The following GRIA2 variants were observed in gnomAD, a reference collection of about 807,000 sequenced individuals.
GRIA2 encodes the protein glutamate ionotropic receptor AMPA type subunit 2.
A neutral mutation model predicts 97.3 loss-of-function variants in GRIA2; 14 were observed. The ratio of observed to expected loss-of-function variants is 0.14; its 90% CI spans 0.10 to 0.23. The LOEUF (loss-of-function observed/expected upper bound fraction) is 0.23. Among genes scored for constraint, GRIA2 ranks in the 10% least tolerant of loss-of-function variants. The pLI is 1.00. For missense variants in GRIA2, 558 were observed against 1,069.8 expected (o/e 0.52, Z 6.67); for synonymous variants, 412 against 387.8 (o/e 1.06, Z -0.73).
chr4:157,317,967 C>G (rs1579358776), intron 5 of GRIA2, among the ~76,000 whole-genome samples: 2 of 152,008 alleles, frequency 1.3e-5, no homozygotes, highest in Admixed American at 1.3e-4. Flanking sequence ...AAGAGACAAA[C>G]CCTGTCTCAG....
At chr4:157,363,217 C>G (rs958305461) in intron 15 of GRIA2, 170 bp downstream of exon 15, 3 of 756,412 alleles carry the variant, frequency 4.0e-6, no homozygotes, top group Non-Finnish European at 6.3e-6. Flanking sequence ...GTCTATTTTC[C>G]TCTTTAATGG....
intron 2 of GRIA2, among the ~76,000 whole-genome samples, chr4:157,232,505 T>C (rs535704352): frequency 6.6e-6 from 1 of 152,364 alleles, no homozygotes; most frequent in Non-Finnish European, 1.5e-5. Flanking sequence ...TCAAGCACTT[T>C]CATCATTTAT....
chr4:157,363,457 G>T lies in GRIA2; in HGVS notation c.*26G>T. 1 of 1,242,320 alleles carries T rather than the reference G, an allele frequency of 8.0e-7. No individual in the cohort carries two copies. Among genetic ancestry groups the T allele is most frequent in the African/African-American group, 1.5e-5 (1 of 64,662 alleles). 77.0% of individuals were successfully genotyped at this position (1,242,320 alleles called of 1,614,324 possible). ...AAGATGACCTTGAATGATGCCATGA[G>T]GAACAAGGCAAGGCTGTCAATTACA... On this transcript the variant is annotated 3_prime_UTR_variant, in exon 16 of 16. Transcript: ENST00000264426.
At chr4:157,315,604 G>A (rs1465246201) in intron 4 of GRIA2, among the ~76,000 whole-genome samples, 2 of 151,798 alleles carry the variant, frequency 1.3e-5, no homozygotes, top group African/African-American at 4.8e-5. Context: ...CTGCAGTGGC[G>A]CAATCTCAGG....
chr4:157,245,577 A>T (rs1043873550), intron 2 of GRIA2, among the ~76,000 whole-genome samples: 2 of 152,030 alleles, frequency 1.3e-5, no homozygotes, highest in African/African-American at 4.8e-5. Context: ...TACTGCTAGA[A>T]ACATAAGTGA....
intron 2 of GRIA2, among the ~76,000 whole-genome samples, chr4:157,262,951 C>T (rs889733569): frequency 1.2e-4 from 19 of 152,050 alleles, no homozygotes; most frequent in Non-Finnish European, 2.9e-5. Context: ...CCAGTTACAA[C>T]CAAGTTATAC....
rs538751780 is a variant in GRIA2 at position 157,271,406 on chromosome 4, T to C, written c.230-32146T>C. On this transcript the variant is annotated intron_variant, in intron 2 of 15. Transcript: ENST00000264426. ...TGCTTTGGAGGCTATAAATCAGGGT[T>C]CCCATGATACTCTTTTTGGGTTTGA... Among the ~76,000 whole-genome samples, 12 of 152,160 alleles carry C rather than the reference T, an allele frequency of 7.9e-5. No homozygotes were observed. The South Asian group carries it at 2.1e-3, about 26-fold the overall frequency.
intron 2 of GRIA2, among the ~76,000 whole-genome samples, chr4:157,293,692 TA>T (rs991025450): frequency 1.3e-5 from 2 of 152,102 alleles, no homozygotes; most frequent in African/African-American, 4.8e-5. Flanking sequence ...CAAATAAATG[TA>T]AGGGCCAAAA....
intron 2 of GRIA2, among the ~76,000 whole-genome samples, chr4:157,241,667 T>C (rs1454844180): frequency 2.6e-5 from 4 of 152,134 alleles, no homozygotes; most frequent in African/African-American, 9.6e-5. Context: ...TGTTTGGCTG[T>C]GTAGAACATC....
At chr4:157,224,978 G>T (rs532346560) in intron 2 of GRIA2, among the ~76,000 whole-genome samples, 8 of 151,936 alleles carry the variant, frequency 5.3e-5, no homozygotes, top group African/African-American at 1.9e-4. Context: ...CTAAATTTAC[G>T]TATTAAAAAG....
chr4:157,308,864 A>G (rs1036089530), intron 3 of GRIA2, among the ~76,000 whole-genome samples: 1 of 152,184 alleles, frequency 6.6e-6, no homozygotes, highest in African/African-American at 2.4e-5. Context: ...GTTTAATTTC[A>G]CTTTCATATA....
chr4:157,281,458 A>G (rs1364070133), intron 2 of GRIA2, among the ~76,000 whole-genome samples: 1 of 152,076 alleles, frequency 6.6e-6, no homozygotes, highest in East Asian at 1.9e-4. Flanking sequence ...TAGTTCTAGC[A>G]GATTTAACTA....
chr4:157,316,553 G>T (rs936752453), intron 4 of GRIA2, among the ~76,000 whole-genome samples: 1 of 151,948 alleles, frequency 6.6e-6, no homozygotes, highest in Non-Finnish European at 1.5e-5. Flanking sequence ...ATATAGTGGT[G>T]GAGCTTTCCA....
intron 2 of GRIA2, among the ~76,000 whole-genome samples, chr4:157,285,262 T>G (rs939159111): frequency 1.3e-5 from 2 of 151,732 alleles, no homozygotes; most frequent in East Asian, 3.9e-4. Context: ...GGTTGTCTGT[T>G]TTTTACGTAC....
At chr4:157,264,670 A>G (rs1330282582) in intron 2 of GRIA2, among the ~76,000 whole-genome samples, 1 of 152,120 alleles carries the variant, frequency 6.6e-6, no homozygotes, top group African/African-American at 2.4e-5. Flanking sequence ...TGATTGTAAC[A>G]TAATAAAAGA....
At chr4:157,338,023 TATATATATATATATATATATATATATAC>T (rs1437591288) in intron 11 of GRIA2, among the ~76,000 whole-genome samples, 349 of 12,736 alleles carry the variant, frequency 0.027, 14 homozygotes, top group Middle Eastern at 0.071. Context: ...TATATATATA[TATATATATATATATATATATATATATAC>T]ACACACATTT....
At chr4:157,330,634 T>C (rs1234732033) in intron 6 of GRIA2, among the ~76,000 whole-genome samples, 1 of 151,962 alleles carries the variant, frequency 6.6e-6, no homozygotes, top group African/African-American at 2.4e-5. Context: ...CTATTGGACA[T>C]AACAAACATG....
At chr4:157,239,711 T>C (rs1278161061) in intron 2 of GRIA2, among the ~76,000 whole-genome samples, 2 of 151,958 alleles carry the variant, frequency 1.3e-5, no homozygotes, top group African/African-American at 2.4e-5. Flanking sequence ...ATTTTTGATG[T>C]CATTTACTTT....
intron 2 of GRIA2, among the ~76,000 whole-genome samples, chr4:157,231,875 G>A (rs959438404): frequency 2.0e-5 from 3 of 151,898 alleles, no homozygotes; most frequent in African/African-American, 7.3e-5. Context: ...AAAACATTTT[G>A]GATTTAAATT....
Sources: gnomAD v4.1 joint callset for allele counts (sites outside exome capture counted in the v4.1 genomes callset) on GRCh38, gnomAD v4.1.1 for gene constraint, MANE v1.5 for transcripts, NCBI Gene and HGNC (gene_info 2026-07-23, HGNC 2026-07-21) for gene names.